SLIT3: variants seen among roughly 807,000 people sequenced by gnomAD.
SLIT3 encodes the protein slit guidance ligand 3, also known as slit homolog 3 protein.
Under a neutral mutation model 184.0 loss-of-function variants are expected in SLIT3, and 68 were observed. The observed-to-expected ratio is 0.37, with a 90% CI of 0.30 to 0.45. SLIT3 has a LOEUF of 0.45. Ranked by LOEUF, SLIT3 falls within the 20% of genes least tolerant of loss-of-function variation. The probability of loss-of-function intolerance (pLI) is 1.00; values close to 1 mark genes in which losing one functional copy is unlikely to be tolerated. For missense variants in SLIT3, 1,707 were observed against 2,026.0 expected (o/e 0.84, Z 3.02); for synonymous variants, 831 against 828.6 (o/e 1.00, Z -0.05).
At chr5:168,822,122 C>T (rs1359962466) in intron 7 of SLIT3, among the ~76,000 whole-genome samples, 2 of 152,222 alleles carry the variant, frequency 1.3e-5, no homozygotes, top group Middle Eastern at 3.4e-3. Flanking sequence ...GATATTGATG[C>T]TGCTGGTCTA....
intron 3 of SLIT3, among the ~76,000 whole-genome samples, chr5:169,225,555 G>GGA (rs890440204): frequency 5.3e-5 from 8 of 152,218 alleles, no homozygotes; most frequent in Admixed American, 2.0e-4. Flanking sequence ...TATAGTCTAA[G>GGA]GAGAGAGAGA....
chr5:169,188,251 T>G (rs2544820), intron 4 of SLIT3, among the ~76,000 whole-genome samples: 78,929 of 151,708 alleles, frequency 0.52, 21,412 homozygotes, highest in East Asian at 0.83. Flanking sequence ...GAGCCACTGT[T>G]TCCAGCCACG....
intron 3 of SLIT3, among the ~76,000 whole-genome samples, chr5:169,230,533 G>T (rs1322457603): frequency 1.3e-5 from 2 of 152,172 alleles, no homozygotes; most frequent in East Asian, 3.8e-4. Flanking sequence ...GGAACTCTGG[G>T]TTAGAGCTAA....
chr5:168,770,685 G>A (rs73308247), intron 14 of SLIT3, among the ~76,000 whole-genome samples: 16,113 of 151,830 alleles, frequency 0.11, 957 homozygotes, highest in African/African-American at 0.15. Context: ...GTATCTTAGA[G>A]TCAATCCAAG....
intron 4 of SLIT3, among the ~76,000 whole-genome samples, chr5:169,138,669 G>A (rs1581448254): frequency 6.6e-6 from 1 of 152,160 alleles, no homozygotes; most frequent in Non-Finnish European, 1.5e-5. Flanking sequence ...TGACGTCTGG[G>A]ATAGAGCTTG....
chr5:168,765,780 A>C lies in SLIT3; in HGVS notation c.1460-3091T>G, dbSNP rs533751434. On this transcript the variant is annotated intron_variant, in intron 14 of 35. Transcript: ENST00000519560. ...AGAGGATTTGAAGAAGGGCCATAAA[A>C]CTCAACCTCGGCTGAAACCAGCCTT... Among the ~76,000 whole-genome samples, 492 of 152,242 alleles carry C rather than the reference A, an allele frequency of 3.2e-3. 1 individual carries two copies. The highest frequency in any genetic ancestry group is 5.4e-3 in the Non-Finnish European group (368 of 68,022).
Position 168,956,980 on chromosome 5 carries a change from G to A in SLIT3, c.414-73644C>T, listed in dbSNP as rs796210137. Among the ~76,000 whole-genome samples the A allele has an allele frequency of 2.6e-5, 4 of 151,466 alleles. No individual in the cohort carries two copies. The East Asian group carries it at 7.8e-4, about 30-fold the overall frequency. ...GCAGTGGCTCACACCTGTAATCCCAGCACTTTGGGAGGCCGAGGCAGGTGG... is the reference window on the plus strand; with the variant it reads ...GCAGTGGCTCACACCTGTAATCCCAACACTTTGGGAGGCCGAGGCAGGTGG... On this transcript the variant is annotated intron_variant, in intron 4 of 35. Transcript: ENST00000519560.
intron 4 of SLIT3, among the ~76,000 whole-genome samples, chr5:169,066,111 G>A (rs1438200431): frequency 1.3e-5 from 2 of 152,078 alleles, no homozygotes; most frequent in African/African-American, 4.8e-5. Flanking sequence ...CTAAAATAAT[G>A]CAAATACAAC....
In SLIT3 at chr5:168,863,963, A is replaced by C. The variant is rs1463861273; in HGVS notation, c.485+19302T>G. Among the ~76,000 whole-genome samples the C allele has an allele frequency of 5.9e-5, 9 of 152,110 alleles. No homozygotes were observed. In the East Asian group the frequency reaches 1.7e-3, roughly 29 times the overall value. On this transcript the variant is annotated intron_variant, in intron 5 of 35. Coordinates refer to ENST00000519560, the MANE Select transcript of SLIT3 (RefSeq NM_003062.4). ...GCCAGGTGCGGTAGCTCATGCCTGT[A>C]ATTTCAGCACTTTGGAAGACCAAAG...
Position 168,710,913 on chromosome 5 carries a change from G to A in SLIT3, c.2701C>T (p.His901Tyr), listed in dbSNP as rs1374185129. Reference protein sequence around the residue: ...ADRLLLTTPTHRFQCKGPVDI... With the variant: ...ADRLLLTTPTYRFQCKGPVDI... Reference sequence around the variant, plus strand: ...CACCTACCTTTGCACTGGAAGCGGTGGGTTGGGGTGGTGAGCAGGAGCCTG... The same window carrying A: ...CACCTACCTTTGCACTGGAAGCGGTAGGTTGGGGTGGTGAGCAGGAGCCTG... Residue 901 changes from histidine to tyrosine, a missense_variant, in exon 25 of 36, where the codon CAC (histidine) becomes TAC (tyrosine). Physicochemically the swap from His to Tyr is moderately conservative, Grantham distance 83. This residue lies in a region of SLIT3 where 1,307 missense variants were observed against 1,511.6 expected (regional missense o/e 0.86). Transcript: ENST00000519560. 1.3e-6 allele frequency: 2 copies of A among 1,552,758 alleles called. No homozygotes were observed. Among genetic ancestry groups the A allele is most frequent in the South Asian group, 2.4e-5 (2 of 83,496 alleles).
rs1251099395 is a variant in SLIT3 at position 168,662,759 on chromosome 5, G to T, written c.*3695C>A. 6.6e-6 allele frequency: 1 copy of T among 152,200 alleles called. No individual in the cohort carries two copies. The highest frequency in any genetic ancestry group is 2.1e-4 in the South Asian group (1 of 4,824). The allele number at this position is 152,200 out of a possible 1,614,324, so 9.4% of individuals were successfully genotyped here. A position where few individuals can be genotyped will look rare whatever the true frequency, so the allele number is the denominator to read the frequency against. On this transcript the variant is annotated 3_prime_UTR_variant, in exon 36 of 36. Transcript: ENST00000519560. ...TTTCCCTTTCCTGAATCCTGCTCAGGGGGGACACAGCTTGAGCGGCCTCTT... is the reference window on the plus strand; with the variant it reads ...TTTCCCTTTCCTGAATCCTGCTCAGTGGGGACACAGCTTGAGCGGCCTCTT...
chr5:169,026,213 G>A (rs1756817654), intron 4 of SLIT3: 1 of 152,170 alleles, frequency 6.6e-6, no homozygotes, highest in African/African-American at 2.4e-5. Flanking sequence ...ACTTCCTTCT[G>A]TTCGAAGGGA....
At chr5:168,959,516 G>A (rs1264339814) in intron 4 of SLIT3, among the ~76,000 whole-genome samples, 1 of 152,140 alleles carries the variant, frequency 6.6e-6, no homozygotes, top group Non-Finnish European at 1.5e-5. Context: ...ATCTATAAGT[G>A]GAAGAAAAAG....
In SLIT3 at chr5:168,706,292, A is replaced by G. The variant is rs1159863477; in HGVS notation, c.2844+1684T>C. Among the ~76,000 whole-genome samples, 5 of 152,238 alleles carry G rather than the reference A, an allele frequency of 3.3e-5. No individual in the cohort carries two copies. In the East Asian group the frequency reaches 9.6e-4, roughly 29 times the overall value. On this transcript the variant is annotated intron_variant, in intron 26 of 35. Transcript: ENST00000519560. ...GATTCTTACGGCAAACCTATGAGAC[A>G]GGTCCTAGTTTGCAGCTGGGAAGAC...
At chr5:168,872,648 T>G (rs1443864785) in intron 5 of SLIT3, among the ~76,000 whole-genome samples, 2 of 147,936 alleles carry the variant, frequency 1.4e-5, no homozygotes, top group African/African-American at 5.0e-5. Context: ...TTCTTTTTTT[T>G]TTTTTTTTGA....
chr5:169,257,210 A>C (rs931415942), intron 1 of SLIT3, among the ~76,000 whole-genome samples: 3 of 152,122 alleles, frequency 2.0e-5, no homozygotes, highest in African/African-American at 4.8e-5. Context: ...CTGAGGAATA[A>C]AACTTTCTGC....
intron 4 of SLIT3, among the ~76,000 whole-genome samples, chr5:169,169,352 A>T (rs1762746849): frequency 6.6e-6 from 1 of 152,194 alleles, no homozygotes; most frequent in Admixed American, 6.5e-5. Flanking sequence ...CTCAACTAGA[A>T]GCTCTCAAAG....
chr5:169,129,792 G>C (rs542297625), intron 4 of SLIT3, among the ~76,000 whole-genome samples: 4 of 152,102 alleles, frequency 2.6e-5, no homozygotes, highest in African/African-American at 7.2e-5. Context: ...TCTGTTAATA[G>C]TAATATACAA....
intron 3 of SLIT3, among the ~76,000 whole-genome samples, chr5:169,217,573 T>C (rs181451159): frequency 1.6e-4 from 25 of 152,096 alleles, no homozygotes; most frequent in African/African-American, 4.3e-4. Context: ...CAGCCTGGGG[T>C]TCCTGGGGGC....
Sources: gnomAD v4.1 joint callset for allele counts (sites outside exome capture counted in the v4.1 genomes callset) on GRCh38, gnomAD v4.1.1 for gene constraint, gnomAD v4.1.1 regional missense constraint, MANE v1.5 for transcripts, NCBI Gene and HGNC (gene_info 2026-07-23, HGNC 2026-07-21) for gene names.